The following KCNC2 variants were observed in gnomAD, a reference collection of about 807,000 sequenced individuals.
KCNC2 encodes potassium voltage-gated channel subfamily C member 2.
A neutral mutation model predicts 44.5 loss-of-function variants in KCNC2; 21 were observed. The ratio of observed to expected loss-of-function variants is 0.47; its 90% CI spans 0.33 to 0.68. The LOEUF is 0.68. Among genes scored for constraint, KCNC2 ranks in the 30% least tolerant of loss-of-function variants. The pLI is 0.01. For missense variants in KCNC2, 589 were observed against 826.2 expected, an observed-to-expected ratio of 0.71 and a Z score of 3.52; for synonymous variants, 391 against 339.1, an observed-to-expected ratio of 1.15 and a Z score of -1.68.
intron 2 of KCNC2, among the ~76,000 whole-genome samples, chr12:75,158,142 T>A (rs2137507595): frequency 6.6e-6 from 1 of 152,066 alleles, no homozygotes; most frequent in Non-Finnish European, 1.5e-5. Flanking sequence ...ATAAATTCTA[T>A]CACTCTTTTA....
intron 2 of KCNC2, among the ~76,000 whole-genome samples, chr12:75,129,072 C>T (rs1888647142): frequency 6.6e-6 from 1 of 152,188 alleles, no homozygotes; most frequent in South Asian, 2.1e-4. Flanking sequence ...ACTTGAAATC[C>T]TTGTCAGCTA....
Position 75,041,065 on chromosome 12 carries a change from C to G in KCNC2, c.*2040G>C. 3 of 1,550,388 alleles carry G rather than the reference C, an allele frequency of 1.9e-6. No individual in the cohort carries two copies. Among genetic ancestry groups the G allele is most frequent in the Non-Finnish European group, 2.6e-6 (3 of 1,136,858 alleles). Reference sequence around the variant, plus strand: ...AAGCTTTAAGTGCCTCATGAAGACGCGAGGATCTCTTCCAAGTGCAACCTG... The same window carrying G: ...AAGCTTTAAGTGCCTCATGAAGACGGGAGGATCTCTTCCAAGTGCAACCTG... On this transcript the variant is annotated 3_prime_UTR_variant, in exon 5 of 5. Coordinates refer to ENST00000549446, the MANE Select transcript of KCNC2 (RefSeq NM_139137.4).
At chr12:75,191,682 C>G (rs2030285991) in intron 2 of KCNC2, among the ~76,000 whole-genome samples, 1 of 150,464 alleles carries the variant, frequency 6.6e-6, no homozygotes, top group African/African-American at 2.4e-5. Flanking sequence ...TCCCGAGTAG[C>G]TGGGACTACA....
At chr12:75,093,482 C>A (rs1459330491) in intron 2 of KCNC2, among the ~76,000 whole-genome samples, 1 of 151,596 alleles carries the variant, frequency 6.6e-6, no homozygotes. Context: ...TAATTGACCA[C>A]CCATGCATCA....
intron 2 of KCNC2, among the ~76,000 whole-genome samples, chr12:75,056,444 C>T (rs1381163875): frequency 6.6e-6 from 1 of 151,722 alleles, no homozygotes; most frequent in African/African-American, 2.4e-5. Context: ...TAAGGAATTT[C>T]CATTTTTATA....
chr12:75,050,336 G>T, intron 3 of KCNC2, 54 bp downstream of exon 3: 2 of 1,267,982 alleles, frequency 1.6e-6, no homozygotes, highest in Non-Finnish European at 2.2e-6. Context: ...TCTGCCTAAG[G>T]AACATACTGG....
At chr12:75,089,608 ACAGTTTTATACTTAGT>A (rs1280028943) in intron 2 of KCNC2, among the ~76,000 whole-genome samples, 1 of 151,862 alleles carries the variant, frequency 6.6e-6, no homozygotes, top group Non-Finnish European at 1.5e-5. Flanking sequence ...GCAACTTTTA[ACAGTTTTATACTTAGT>A]CACAATTTTT....
intron 2 of KCNC2, among the ~76,000 whole-genome samples, chr12:75,078,206 A>G (rs927336985): frequency 6.6e-6 from 1 of 152,188 alleles, no homozygotes; most frequent in Non-Finnish European, 1.5e-5. Context: ...GTCCAAATGA[A>G]AACTGAAAAA....
Position 75,041,635 on chromosome 12 carries a change from A to T in KCNC2, c.*1470T>A. ...CATAAATAGACTTTCTTCCACTCAG[A>T]CTGAATATGACTCCCTAAGGATTTT... is the stretch of plus-strand genomic sequence containing the variant. On this transcript the variant is annotated 3_prime_UTR_variant, in exon 5 of 5. Transcript: ENST00000549446. 3 of 1,012,424 alleles carry T rather than the reference A, an allele frequency of 3.0e-6. No individual in the cohort carries two copies. The highest frequency in any genetic ancestry group is 3.5e-6 in the Non-Finnish European group (3 of 845,352). 62.7% of individuals were successfully genotyped at this position (1,012,424 alleles called of 1,614,324 possible). A position where few individuals can be genotyped will look rare whatever the true frequency, so the allele number is the denominator to read the frequency against.
intron 2 of KCNC2, among the ~76,000 whole-genome samples, chr12:75,184,799 C>T (rs137947064): frequency 9.9e-5 from 15 of 152,244 alleles, no homozygotes; most frequent in African/African-American, 3.4e-4. Context: ...ACTGAAGAGC[C>T]ACTTATGTAC....
rs1164628070 is a variant in KCNC2, at chr12:75,209,702, C to T, written c.-515G>A. On this transcript the variant is annotated 5_prime_UTR_variant, in exon 1 of 5. Coordinates refer to ENST00000549446, the MANE Select transcript of KCNC2 (RefSeq NM_139137.4). ...GGAGCTGTCCCTTCAGCACCACTCG[C>T]CATCAACCTCCCGCCGCCATCCGAA... is the stretch of plus-strand genomic sequence containing the variant. 6.6e-6 allele frequency: 1 copy of T among 152,668 alleles called. No individual in the cohort carries two copies. The highest frequency in any genetic ancestry group is 1.9e-4 in the East Asian group (1 of 5,188). 9.5% of individuals were successfully genotyped at this position (152,668 alleles called of 1,614,324 possible).
chr12:75,173,600 T>C (rs1236948944), intron 2 of KCNC2, among the ~76,000 whole-genome samples: 3 of 151,912 alleles, frequency 2.0e-5, no homozygotes, highest in African/African-American at 7.2e-5. Context: ...ATGCCAATGA[T>C]TGCCATCTTT....
intron 2 of KCNC2, among the ~76,000 whole-genome samples, chr12:75,154,950 AG>A: frequency 6.6e-6 from 1 of 152,018 alleles, no homozygotes; most frequent in South Asian, 2.1e-4. Flanking sequence ...GTCTTTATTG[AG>A]CCTATAGAAA....
chr12:75,110,757 T>C (rs1887169281), intron 2 of KCNC2, among the ~76,000 whole-genome samples: 1 of 151,978 alleles, frequency 6.6e-6, no homozygotes, highest in Non-Finnish European at 1.5e-5. Context: ...TACATATATA[T>C]AACTTATATA....
At chr12:75,100,327 T>C (rs1346857999) in intron 2 of KCNC2, among the ~76,000 whole-genome samples, 2 of 152,080 alleles carry the variant, frequency 1.3e-5, no homozygotes, top group African/African-American at 4.8e-5. Flanking sequence ...GGGAAAATTA[T>C]ATGAAAATAA....
intron 2 of KCNC2, among the ~76,000 whole-genome samples, chr12:75,056,644 C>T (rs1380148297): frequency 1.3e-5 from 2 of 151,774 alleles, no homozygotes; most frequent in African/African-American, 4.8e-5. Flanking sequence ...CCAAAATTTC[C>T]ACTTTTAGAA....
chr12:75,079,625 T>A (rs1260699889), intron 2 of KCNC2, among the ~76,000 whole-genome samples: 5 of 152,080 alleles, frequency 3.3e-5, no homozygotes, highest in Non-Finnish European at 7.4e-5. Context: ...ACATCATGAA[T>A]ATGAACAGTC....
intron 2 of KCNC2, among the ~76,000 whole-genome samples, chr12:75,111,692 T>C (rs552733305): frequency 3.4e-4 from 51 of 151,904 alleles, no homozygotes; most frequent in Non-Finnish European, 6.2e-4. Flanking sequence ...TGCATTAAAA[T>C]AGAAAATGTA....
rs1251084332 is a variant in KCNC2, at chr12:75,042,828, C to T, written c.*277G>A. 1.6e-6 allele frequency: 2 copies of T among 1,250,392 alleles called. No individual in the cohort carries two copies. The highest frequency in any genetic ancestry group is 2.0e-6 in the Non-Finnish European group (2 of 995,344). The allele number at this position is 1,250,392 out of a possible 1,614,324, so 77.5% of individuals were successfully genotyped here. A position where few individuals can be genotyped will look rare whatever the true frequency, so the allele number is the denominator to read the frequency against. On this transcript the variant is annotated 3_prime_UTR_variant, in exon 5 of 5. Transcript: ENST00000549446. Reference sequence around the variant, plus strand: ...GAAGGTATGTTTATATATTAGTGCACTGGTCAATATCTGACACTATCTGTC... The same window carrying T: ...GAAGGTATGTTTATATATTAGTGCATTGGTCAATATCTGACACTATCTGTC...
Sources: gnomAD v4.1 joint callset for allele counts (sites outside exome capture counted in the v4.1 genomes callset) on GRCh38, gnomAD v4.1.1 for gene constraint, MANE v1.5 for transcripts, NCBI Gene and HGNC (gene_info 2026-07-23, HGNC 2026-07-21) for gene names.